CLEC2D: variants seen among roughly 807,000 people sequenced by gnomAD.
CLEC2D encodes C-type lectin domain family 2 member D.
Under a neutral mutation model 20.0 loss-of-function variants are expected in CLEC2D, and 16 were observed. That is an observed-to-expected ratio of 0.80 (90% CI 0.54 to 1.22). The LOEUF (loss-of-function observed/expected upper bound fraction) is 1.22, where lower values mean the gene tolerates loss of function less well. Among genes scored for constraint, CLEC2D ranks in the 50% most tolerant of loss-of-function variants. The probability of loss-of-function intolerance (pLI) is 0.00; values close to 1 mark genes in which losing one functional copy is unlikely to be tolerated. For synonymous variants in CLEC2D, 77 were observed against 71.1 expected, an observed-to-expected ratio of 1.08 and a Z score of -0.42; for missense variants, 207 against 221.5, an observed-to-expected ratio of 0.93 and a Z score of 0.42.
chr12:9,695,837 T>G lies in CLEC2D; in HGVS notation c.*963T>G. 9.0e-7 allele frequency: 1 copy of G among 1,105,154 alleles called. No homozygotes were observed. The allele number at this position is 1,105,154 out of a possible 1,614,324, so 68.5% of individuals were successfully genotyped here. A position where few individuals can be genotyped will look rare whatever the true frequency, so the allele number is the denominator to read the frequency against. On this transcript the variant is annotated 3_prime_UTR_variant, in exon 5 of 5. Transcript: ENST00000290855. ...GCCCCTGGAGGTGGGCAGAAAAAAG[T>G]AAAACTTGCTGCTGCTGCTGATGAT... is the stretch of plus-strand genomic sequence containing the variant.
chr12:9,698,239 T>G lies in CLEC2D; in HGVS notation c.*3365T>G, dbSNP rs760223197. Reference sequence around the variant, plus strand: ...TATCATTTTCTGTGGTGAGAACATTTGAAATTTATTCTCTTGACAATTTTG... The same window carrying G: ...TATCATTTTCTGTGGTGAGAACATTGGAAATTTATTCTCTTGACAATTTTG... On this transcript the variant is annotated 3_prime_UTR_variant, in exon 5 of 5. Coordinates refer to ENST00000290855, the MANE Select transcript of CLEC2D (RefSeq NM_013269.6). 1.1e-4 allele frequency: 16 copies of G among 152,334 alleles called. No homozygotes were observed. Among genetic ancestry groups the G allele is most frequent in the African/African-American group, 2.9e-4 (12 of 41,578 alleles). 9.4% of individuals were successfully genotyped at this position (152,334 alleles called of 1,614,324 possible).
chr12:9,680,553 A>G (rs1051977204), intron 1 of CLEC2D, among the ~76,000 whole-genome samples: 1 of 152,176 alleles, frequency 6.6e-6, no homozygotes, highest in Non-Finnish European at 1.5e-5. Flanking sequence ...TTTAATCGAT[A>G]GATTTCCTCT....
intron 1 of CLEC2D, among the ~76,000 whole-genome samples, chr12:9,673,167 G>A (rs914338693): frequency 5.9e-5 from 9 of 152,222 alleles, no homozygotes; most frequent in Admixed American, 3.3e-4. Context: ...AATTTTCACC[G>A]TTTTTTCATT....
chr12:9,695,903 CT>C lies in CLEC2D; in HGVS notation c.*1030del. 1 of 1,150,094 alleles carries C rather than the reference CT, an allele frequency of 8.7e-7. No individual in the cohort carries two copies. The highest frequency in any genetic ancestry group is 1.3e-6 in the Non-Finnish European group (1 of 771,622). 71.2% of individuals were successfully genotyped at this position (1,150,094 alleles called of 1,614,324 possible). A position where few individuals can be genotyped will look rare whatever the true frequency, so the allele number is the denominator to read the frequency against. ...GATGATGATGATGATGACGAGGAAGCTGAAGAAAAAGCGCCAGTGAAGAAAT... is the reference window on the plus strand; with the variant it reads ...GATGATGATGATGATGACGAGGAAGCGAAGAAAAAGCGCCAGTGAAGAAAT... On this transcript the variant is annotated 3_prime_UTR_variant, in exon 5 of 5. Transcript: ENST00000290855.
Position 9,697,537 on chromosome 12 carries a change from A to G in CLEC2D, c.*2663A>G, listed in dbSNP as rs1310390403. On this transcript the variant is annotated 3_prime_UTR_variant, in exon 5 of 5. Coordinates refer to ENST00000290855, the MANE Select transcript of CLEC2D (RefSeq NM_013269.6). ...CTGATTTCCCACTTCACACCTCTAT[A>G]TTTCTGTGTGTGTGTCTTTAGTTCC... is the stretch of plus-strand genomic sequence containing the variant. 2.9e-5 allele frequency: 4 copies of G among 138,392 alleles called. No homozygotes were observed. Among genetic ancestry groups the G allele is most frequent in the Non-Finnish European group, 6.0e-5 (4 of 66,456 alleles). 8.6% of individuals were successfully genotyped at this position (138,392 alleles called of 1,614,324 possible). A position where few individuals can be genotyped will look rare whatever the true frequency, so the allele number is the denominator to read the frequency against.
At position 9,695,086 on chromosome 12, in the gene CLEC2D, A is replaced by G. The variant is rs985955300; in HGVS notation, c.*212A>G. 3 of 579,030 alleles carry G rather than the reference A, an allele frequency of 5.2e-6. No individual in the cohort carries two copies. Among genetic ancestry groups the G allele is most frequent in the African/African-American group, 3.8e-5 (2 of 53,264 alleles). The allele number at this position is 579,030 out of a possible 1,614,324, so 35.9% of individuals were successfully genotyped here. Reference sequence around the variant, plus strand: ...TACCTGTTCTCCCACTGCTAATGACATACCCGAGACTGAGTAATTTATAAA... The same window carrying G: ...TACCTGTTCTCCCACTGCTAATGACGTACCCGAGACTGAGTAATTTATAAA... On this transcript the variant is annotated 3_prime_UTR_variant, in exon 5 of 5. Coordinates refer to ENST00000290855, the MANE Select transcript of CLEC2D (RefSeq NM_013269.6).
intron 2 of CLEC2D, among the ~76,000 whole-genome samples, chr12:9,686,137 A>T (rs1865743778): frequency 6.6e-6 from 1 of 151,550 alleles, no homozygotes; most frequent in Admixed American, 6.6e-5. Flanking sequence ...TGGGTGAAGC[A>T]GCGCCCCACC....
chr12:9,693,911 G>A (rs1865920251), intron 4 of CLEC2D: 1 of 387,212 alleles, frequency 2.6e-6, no homozygotes, highest in Admixed American at 3.0e-5. Flanking sequence ...GCTCAAGTGA[G>A]CCTCCCATCT....
Position 9,695,855 on chromosome 12 carries a change from C to CTGT in CLEC2D, c.*983_*984insTTG. The CTGT allele has an allele frequency of 1.0e-6, 1 of 988,826 alleles. No homozygotes were observed. The highest frequency in any genetic ancestry group is 1.6e-6 in the Non-Finnish European group (1 of 625,478). The allele number at this position is 988,826 out of a possible 1,614,324, so 61.3% of individuals were successfully genotyped here. On this transcript the variant is annotated 3_prime_UTR_variant, in exon 5 of 5. Transcript: ENST00000290855. ...AAAAAAGTAAAACTTGCTGCTGCTG[C>CTGT]TGATGATGATGATGATGAAGATGAT...
chr12:9,697,745 A>C lies in CLEC2D; in HGVS notation c.*2871A>C, dbSNP rs189733819. On this transcript the variant is annotated 3_prime_UTR_variant, in exon 5 of 5. Transcript: ENST00000290855. ...AAAAAAAAAACCCAAATACATAGAA[A>C]TAGAGTAGAATGGTGGTTACCAGAG... 6.6e-6 allele frequency: 1 copy of C among 152,196 alleles called. No homozygotes were observed. Among genetic ancestry groups the C allele is most frequent in the East Asian group, 1.9e-4 (1 of 5,202 alleles). The allele number at this position is 152,196 out of a possible 1,614,324, so 9.4% of individuals were successfully genotyped here.
chr12:9,691,643 G>A (rs748014011), intron 3 of CLEC2D, among the ~76,000 whole-genome samples: 3 of 152,070 alleles, frequency 2.0e-5, no homozygotes, highest in Middle Eastern at 3.2e-3. Context: ...TTAAAAACCC[G>A]CTCTTCAACA....
chr12:9,696,397 T>C lies in CLEC2D; in HGVS notation c.*1523T>C. On this transcript the variant is annotated 3_prime_UTR_variant, in exon 5 of 5. Transcript: ENST00000290855. ...AAGAATGTGTTGTCCAAAATGCCTGTTTAGTTTTTAAAGATGGAACTCCAC... is the reference window on the plus strand; with the variant it reads ...AAGAATGTGTTGTCCAAAATGCCTGCTTAGTTTTTAAAGATGGAACTCCAC... 3 of 483,814 alleles carry C rather than the reference T, an allele frequency of 6.2e-6. No homozygotes were observed. Among genetic ancestry groups the C allele is most frequent in the Non-Finnish European group, 1.1e-5 (3 of 264,888 alleles). The allele number at this position is 483,814 out of a possible 1,614,324, so 30.0% of individuals were successfully genotyped here.
At chr12:9,670,851 G>A (rs901817924) in intron 1 of CLEC2D, among the ~76,000 whole-genome samples, 1 of 152,216 alleles carries the variant, frequency 6.6e-6, no homozygotes, top group Non-Finnish European at 1.5e-5. Context: ...ATTGGGAACT[G>A]TGCAATGCTC....
At chr12:9,687,802 T>C in intron 2 of CLEC2D, 100 bp from the exon 3 acceptor site, 2 of 644,604 alleles carry the variant, frequency 3.1e-6, no homozygotes, top group Non-Finnish European at 4.7e-6. Context: ...CATTTAATAC[T>C]TAACAGGAGT....
Position 9,695,336 on chromosome 12 carries a change from T to A in CLEC2D, c.*462T>A. Reference sequence around the variant, plus strand: ...CGGCTGTTCTCTGGAGCAGCATTCATTTATCTTCGTCTGCCTTGTCTCCTA... The same window carrying A: ...CGGCTGTTCTCTGGAGCAGCATTCAATTATCTTCGTCTGCCTTGTCTCCTA... On this transcript the variant is annotated 3_prime_UTR_variant, in exon 5 of 5. Coordinates refer to ENST00000290855, the MANE Select transcript of CLEC2D (RefSeq NM_013269.6). 2 of 983,186 alleles carry A rather than the reference T, an allele frequency of 2.0e-6. No individual in the cohort carries two copies. The allele number at this position is 983,186 out of a possible 1,614,324, so 60.9% of individuals were successfully genotyped here. A position where few individuals can be genotyped will look rare whatever the true frequency, so the allele number is the denominator to read the frequency against.
intron 1 of CLEC2D, among the ~76,000 whole-genome samples, chr12:9,672,554 T>G (rs1243679358): frequency 6.6e-6 from 1 of 152,206 alleles, no homozygotes; most frequent in African/African-American, 2.4e-5. Context: ...GTTGATCTAC[T>G]CATGAAGTAT....
chr12:9,685,499 T>C (rs1865729259), intron 2 of CLEC2D, among the ~76,000 whole-genome samples: 1 of 152,242 alleles, frequency 6.6e-6, no homozygotes, highest in African/African-American at 2.4e-5. Context: ...TATAAGCCCC[T>C]GACTGGGGCT....
chr12:9,688,587 C>G (rs1167126800), intron 3 of CLEC2D, among the ~76,000 whole-genome samples: 1 of 152,112 alleles, frequency 6.6e-6, no homozygotes, highest in Non-Finnish European at 1.5e-5. Flanking sequence ...GGCATGGTGG[C>G]ATACGCCTGT....
chr12:9,679,562 C>T (rs1426242385), intron 1 of CLEC2D, among the ~76,000 whole-genome samples: 2 of 152,042 alleles, frequency 1.3e-5, no homozygotes, highest in Admixed American at 6.6e-5. Context: ...CTTTGTTTCT[C>T]TACATGTAGA....
Sources: allele counts gnomAD v4.1 joint callset (sites outside exome capture counted in the v4.1 genomes callset), GRCh38; gene constraint gnomAD v4.1.1; transcripts MANE v1.5; gene names NCBI Gene and HGNC (gene_info 2026-07-23, HGNC 2026-07-21).